The following PTPRN2 variants were observed in gnomAD, a reference collection of about 807,000 sequenced individuals.
PTPRN2 encodes receptor-type tyrosine-protein phosphatase N2.
A neutral mutation model predicts 118.8 loss-of-function variants in PTPRN2; 74 were observed. That is an observed-to-expected ratio of 0.62 (90% CI 0.52 to 0.76). The LOEUF (loss-of-function observed/expected upper bound fraction) is 0.76, where lower values mean the gene tolerates loss of function less well. Among genes scored for constraint, PTPRN2 ranks in the 30% least tolerant of loss-of-function variants. The probability of loss-of-function intolerance (pLI) is 0.00; values close to 1 mark genes in which losing one functional copy is unlikely to be tolerated. For missense variants in PTPRN2, 1,481 were observed against 1,394.4 expected (o/e 1.06, Z -0.99); for synonymous variants, 641 against 608.0 (o/e 1.05, Z -0.80).
At chr7:157,576,061 C>T (rs73163808) in intron 19 of PTPRN2, among the ~76,000 whole-genome samples, 1,612 of 152,286 alleles carry the variant, frequency 0.011, 14 homozygotes, top group Middle Eastern at 0.017. Flanking sequence ...TCAGTAAATA[C>T]ACTCTCAAAC....
intron 18 of PTPRN2, among the ~76,000 whole-genome samples, chr7:157,577,506 G>C (rs1800120232): frequency 6.6e-6 from 1 of 152,120 alleles, no homozygotes; most frequent in South Asian, 2.1e-4. Context: ...TGGTGAGCAG[G>C]TTATCCTCAA....
At chr7:158,424,297 C>G (rs1478845330) in intron 2 of PTPRN2, among the ~76,000 whole-genome samples, 2 of 152,188 alleles carry the variant, frequency 1.3e-5, no homozygotes, top group African/African-American at 4.8e-5. Flanking sequence ...AATAATGAAG[C>G]AAGGCGTCGT....
chr7:157,828,636 C>G (rs1807346574), intron 12 of PTPRN2, among the ~76,000 whole-genome samples: 1 of 147,434 alleles, frequency 6.8e-6, no homozygotes, highest in Non-Finnish European at 1.5e-5. Flanking sequence ...TGAGAGATGT[C>G]CTGGTTACTG....
intron 9 of PTPRN2, among the ~76,000 whole-genome samples, chr7:158,131,770 G>A (rs889888719): frequency 1.3e-4 from 17 of 131,850 alleles, no homozygotes; most frequent in East Asian, 2.4e-4. Flanking sequence ...CGCACAAACC[G>A]ATACACATCT....
At chr7:158,211,336 C>A (rs150155006) in intron 3 of PTPRN2, among the ~76,000 whole-genome samples, 144 of 152,234 alleles carry the variant, frequency 9.5e-4, no homozygotes, top group African/African-American at 3.3e-3. Context: ...CAAGCACAGG[C>A]AACCAAAGCA....
chr7:157,626,659 T>A (rs1224631887), intron 14 of PTPRN2, among the ~76,000 whole-genome samples: 1 of 152,154 alleles, frequency 6.6e-6, no homozygotes, highest in Non-Finnish European at 1.5e-5. Flanking sequence ...ATGAGATTAA[T>A]TTTTTTAGGG....
At chr7:158,281,717 G>A (rs145387846) in intron 3 of PTPRN2, among the ~76,000 whole-genome samples, 281 of 152,278 alleles carry the variant, frequency 1.8e-3, no homozygotes, top group Non-Finnish European at 2.1e-3. Flanking sequence ...CTCCTGCCAC[G>A]CCCCAAACCC....
chr7:158,469,284 T>C (rs1175698423), intron 2 of PTPRN2, among the ~76,000 whole-genome samples: 1 of 152,074 alleles, frequency 6.6e-6, no homozygotes, highest in African/African-American at 2.4e-5. Flanking sequence ...TCTACTAAAA[T>C]ACAAAAATGA....
chr7:157,640,334 C>T (rs1341186539), intron 14 of PTPRN2, among the ~76,000 whole-genome samples: 1 of 152,138 alleles, frequency 6.6e-6, no homozygotes, highest in Non-Finnish European at 1.5e-5. Flanking sequence ...AAGAGAAACA[C>T]TGTATGTTGG....
intron 2 of PTPRN2, among the ~76,000 whole-genome samples, chr7:158,388,229 C>T (rs925539831): frequency 4.6e-5 from 7 of 152,168 alleles, no homozygotes; most frequent in Non-Finnish European, 4.4e-5. Flanking sequence ...ACCTGATCCA[C>T]GGCCACATCC....
At position 157,591,145 on chromosome 7, in the gene PTPRN2, G is replaced by A. The variant is rs539540822; in HGVS notation, c.2496+4093C>T. Among the ~76,000 whole-genome samples the A allele has an allele frequency of 2.3e-4, 35 of 152,312 alleles. No individual in the cohort carries two copies. In the South Asian group the frequency reaches 7.3e-3, roughly 32 times the overall value. ...TGACATAAATCCACGGTGGGGAAAA[G>A]CTGTGTGACAGGGAGGCAGAGATGA... On this transcript the variant is annotated intron_variant, in intron 17 of 22. Coordinates refer to ENST00000389418, the MANE Select transcript of PTPRN2 (RefSeq NM_002847.5). This position sits in a 1 kb window ranked among gnomAD's most constrained non-coding sequence, Gnocchi z 4.4.
At chr7:158,301,939 G>C (rs530374096) in intron 3 of PTPRN2, among the ~76,000 whole-genome samples, 3 of 152,238 alleles carry the variant, frequency 2.0e-5, no homozygotes, top group East Asian at 3.9e-4. Flanking sequence ...AATAGAGTAA[G>C]AGCCTGTCTC....
intron 3 of PTPRN2, among the ~76,000 whole-genome samples, chr7:158,233,030 TC>T (rs1276671448): frequency 4.6e-5 from 7 of 152,178 alleles, no homozygotes; most frequent in Non-Finnish European, 5.9e-5. Flanking sequence ...ACAAGGATGT[TC>T]ACTTTCACCA....
intron 21 of PTPRN2, among the ~76,000 whole-genome samples, chr7:157,564,224 C>T (rs142841613): frequency 3.3e-5 from 5 of 152,194 alleles, no homozygotes; most frequent in South Asian, 2.1e-4. Context: ...CTCCGCCTCC[C>T]GGGTTCAAGT....
chr7:158,123,628 C>T (rs1817362033), intron 9 of PTPRN2, among the ~76,000 whole-genome samples: 1 of 152,198 alleles, frequency 6.6e-6, no homozygotes. Context: ...ACACCATCGA[C>T]TCTTCCAGGC....
chr7:158,220,947 C>T (rs755940940), intron 3 of PTPRN2, among the ~76,000 whole-genome samples: 2 of 149,484 alleles, frequency 1.3e-5, no homozygotes, highest in African/African-American at 2.5e-5. Flanking sequence ...GGAGGAATCA[C>T]ACTACCTGAC....
At chr7:158,515,487 G>A (rs1242835758) in intron 1 of PTPRN2, among the ~76,000 whole-genome samples, 4 of 152,066 alleles carry the variant, frequency 2.6e-5, no homozygotes, top group South Asian at 2.1e-4. Context: ...ATGCCCAGCC[G>A]TGCGAATGTA....
At chr7:158,443,070 A>C (rs962820211) in intron 2 of PTPRN2, among the ~76,000 whole-genome samples, 1 of 152,020 alleles carries the variant, frequency 6.6e-6, no homozygotes, top group Non-Finnish European at 1.5e-5. Context: ...AAGCAAAAAA[A>C]CACCTTTTTT....
At chr7:158,072,575 T>C (rs760094571) in intron 11 of PTPRN2, among the ~76,000 whole-genome samples, 6 of 152,054 alleles carry the variant, frequency 3.9e-5, no homozygotes, top group Non-Finnish European at 7.4e-5. Flanking sequence ...GACCCCTCCC[T>C]ACCCATCCCA....
Sources: allele counts gnomAD v4.1 joint callset (sites outside exome capture counted in the v4.1 genomes callset), GRCh38; gene constraint gnomAD v4.1.1; non-coding constraint Gnocchi (gnomAD v3.1); transcripts MANE v1.5; gene names NCBI Gene and HGNC (gene_info 2026-07-23, HGNC 2026-07-21).